Variants in USP25 observed in about 807,000 individuals in gnomAD.
The protein encoded by USP25 is ubiquitin specific peptidase 25.
USP25 carries 85 observed loss-of-function variants against 158.5 expected under a neutral mutation model. The observed-to-expected ratio is 0.54, with a 90% CI of 0.45 to 0.64. USP25 has a LOEUF of 0.64. Among genes scored for constraint, USP25 ranks in the 30% least tolerant of loss-of-function variants. USP25 has a pLI of 0.00. For missense variants in USP25, 1,242 were observed against 1,327.3 expected (o/e 0.94, Z 1.00); for synonymous variants, 464 against 460.4 (o/e 1.01, Z -0.10).
chr21:15,801,246 A>T (rs565658599), intron 6 of USP25, among the ~76,000 whole-genome samples: 1 of 151,682 alleles, frequency 6.6e-6, no homozygotes, highest in South Asian at 2.1e-4. Flanking sequence ...ACAGAGTTGA[A>T]TGAGGCCATG....
intron 5 of USP25, among the ~76,000 whole-genome samples, chr21:15,796,276 CAA>C (rs1304959975): frequency 1.3e-5 from 2 of 151,428 alleles, no homozygotes; most frequent in Non-Finnish European, 3.0e-5. Context: ...TTGTGATAAT[CAA>C]TGGTGATGAG....
At chr21:15,867,345 A>G (rs1242341289) in intron 22 of USP25, among the ~76,000 whole-genome samples, 1 of 152,106 alleles carries the variant, frequency 6.6e-6, no homozygotes. Flanking sequence ...GTAATTCACT[A>G]CACAAACAGG....
chr21:15,755,319 G>A (rs1438377656), intron 1 of USP25, among the ~76,000 whole-genome samples: 1 of 152,088 alleles, frequency 6.6e-6, no homozygotes, highest in Non-Finnish European at 1.5e-5. Context: ...AGGAGCCAAG[G>A]ACTGACTTAA....
At chr21:15,860,566 T>G (rs1222789940) in intron 20 of USP25, among the ~76,000 whole-genome samples, 1 of 152,162 alleles carries the variant, frequency 6.6e-6, no homozygotes, top group Non-Finnish European at 1.5e-5. Context: ...ATTTTAAATT[T>G]TCTAAGTATT....
At chr21:15,809,069 T>C (rs2036531773) in intron 8 of USP25, among the ~76,000 whole-genome samples, 184 bp downstream of exon 8, 1 of 152,178 alleles carries the variant, frequency 6.6e-6, no homozygotes, top group Non-Finnish European at 1.5e-5. Context: ...ATCTAAAAAG[T>C]GATCCCTGGA....
At chr21:15,847,621 G>C (rs912052652) in intron 18 of USP25, 42 bp from the exon 19 acceptor site, 11 of 1,383,256 alleles carry the variant, frequency 8.0e-6, no homozygotes, top group Admixed American at 2.0e-5. Context: ...GTTCTCCACT[G>C]TTCTCTTTTC....
chr21:15,831,681 TGGTA>T (rs1255174460), intron 16 of USP25, 52 bp downstream of exon 16: 2 of 1,439,282 alleles, frequency 1.4e-6, no homozygotes, highest in Non-Finnish European at 1.9e-6. Context: ...AAAGTGGCTC[TGGTA>T]TGTGGTGTGA....
At chr21:15,735,964 C>CTGTGTGTGTGTGTG (rs530159084) in intron 1 of USP25, among the ~76,000 whole-genome samples, 30 of 145,132 alleles carry the variant, frequency 2.1e-4, no homozygotes, top group Middle Eastern at 7.2e-3. Context: ...TGTCCTAAAT[C>CTGTGTGTGTGTGTG]TGTGTGTGTG....
intron 3 of USP25, among the ~76,000 whole-genome samples, chr21:15,770,413 C>G (rs2034286581): frequency 6.6e-6 from 1 of 152,014 alleles, no homozygotes; most frequent in Non-Finnish European, 1.5e-5. Context: ...GATGAATTTT[C>G]TTTAGTTTTG....
rs2038455056 is a variant in USP25 at position 15,843,857 on chromosome 21, T to G, written c.2337+1317T>G. ...TGTTAAAGGCCTAAATTATGATTAA[T>G]GAGTGTCACTTTTTAAGCTGGTATT... is the stretch of plus-strand genomic sequence containing the variant. On this transcript the variant is annotated intron_variant, in intron 18 of 25. Coordinates refer to ENST00000400183, the MANE Select transcript of USP25 (RefSeq NM_001283041.3). This position sits in a 1 kb window ranked among gnomAD's most constrained non-coding sequence, Gnocchi z 4.0. Among the ~76,000 whole-genome samples the G allele has an allele frequency of 1.3e-5, 2 of 152,162 alleles. No homozygotes were observed. The highest frequency in any genetic ancestry group is 1.3e-4 in the Admixed American group (2 of 15,278).
chr21:15,735,702 G>A (rs571198103), intron 1 of USP25, among the ~76,000 whole-genome samples: 3 of 152,248 alleles, frequency 2.0e-5, no homozygotes, highest in Non-Finnish European at 4.4e-5. Flanking sequence ...TTCAAAATTG[G>A]TGGTGTATGA....
intron 20 of USP25, among the ~76,000 whole-genome samples, chr21:15,859,321 T>G (rs564314368): frequency 6.6e-6 from 1 of 151,736 alleles, no homozygotes; most frequent in Non-Finnish European, 1.5e-5. Flanking sequence ...GCCTCCTGAG[T>G]AGCTGGGACT....
intron 5 of USP25, among the ~76,000 whole-genome samples, chr21:15,796,848 T>A (rs1278177344): frequency 4.0e-5 from 6 of 151,262 alleles, no homozygotes; most frequent in African/African-American, 9.7e-5. Flanking sequence ...CACAAAAAAA[T>A]GGACAATAGA....
chr21:15,853,276 C>T (rs1288759978), intron 20 of USP25, among the ~76,000 whole-genome samples: 1 of 152,042 alleles, frequency 6.6e-6, no homozygotes, highest in Non-Finnish European at 1.5e-5. Flanking sequence ...TCTGTATACA[C>T]ACATACACAT....
chr21:15,802,275 T>C (rs1043990004), intron 6 of USP25, among the ~76,000 whole-genome samples: 7 of 151,472 alleles, frequency 4.6e-5, no homozygotes, highest in African/African-American at 1.7e-4. Flanking sequence ...AGGAAATGGG[T>C]TTAGTTGAGT....
chr21:15,730,393 C>T lies in USP25; in HGVS notation c.-1C>T. ...CCGCCGCCGCCGCCGCCGCGGGGGC[C>T]ATGACCGTGGAGCAGAACGTGCTGC... On this transcript the variant is annotated 5_prime_UTR_variant, in exon 1 of 26. Coordinates refer to ENST00000400183, the MANE Select transcript of USP25 (RefSeq NM_001283041.3). 2.3e-6 allele frequency: 3 copies of T among 1,310,002 alleles called. No individual in the cohort carries two copies. The highest frequency in any genetic ancestry group is 2.9e-6 in the Non-Finnish European group (3 of 1,023,508). 81.1% of individuals were successfully genotyped at this position (1,310,002 alleles called of 1,614,324 possible). A position where few individuals can be genotyped will look rare whatever the true frequency, so the allele number is the denominator to read the frequency against.
At chr21:15,859,517 C>T (rs1288482078) in intron 20 of USP25, among the ~76,000 whole-genome samples, 1 of 152,096 alleles carries the variant, frequency 6.6e-6, no homozygotes, top group Non-Finnish European at 1.5e-5. Context: ...TTTTCTGGCT[C>T]TGTGGCAGTT....
chr21:15,730,532 G>A, intron 1 of USP25, 94 bp downstream of exon 1: 1 of 1,243,642 alleles, frequency 8.0e-7, no homozygotes, highest in South Asian at 2.5e-5. Context: ...CGCCGCCGCC[G>A]CCTTCCCGGG....
At position 15,843,104 on chromosome 21, in the gene USP25, G is replaced by GA. The variant is rs2038417017; in HGVS notation, c.2337+564_2337+565insA. 6.6e-6 allele frequency among the ~76,000 whole-genome samples: 1 copy of GA among 151,846 alleles called. No homozygotes were observed. The highest frequency in any genetic ancestry group is 1.5e-5 in the Non-Finnish European group (1 of 68,024). On this transcript the variant is annotated intron_variant, in intron 18 of 25. Coordinates refer to ENST00000400183, the MANE Select transcript of USP25 (RefSeq NM_001283041.3). The surrounding 1 kb of genome is among the most constrained non-coding windows in gnomAD (Gnocchi z 4.0). ...AAAAACGTCATTAGGCTACTCTATT[G>GA]TAGTTTTCAACTACATCTTTTTATA...
Sources: allele counts gnomAD v4.1 joint callset (sites outside exome capture counted in the v4.1 genomes callset), GRCh38; gene constraint gnomAD v4.1.1; non-coding constraint Gnocchi (gnomAD v3.1); transcripts MANE v1.5; gene names NCBI Gene and HGNC (gene_info 2026-07-23, HGNC 2026-07-21).